Variants in UTRN observed in about 807,000 individuals in gnomAD.
The protein encoded by UTRN is dystrophin-related protein 1.
In UTRN, 283 loss-of-function variants were observed where a neutral mutation model predicts 463.9. That is an observed-to-expected ratio of 0.61 (90% CI 0.55 to 0.67). The LOEUF (loss-of-function observed/expected upper bound fraction) is 0.67, where lower values mean the gene tolerates loss of function less well. UTRN is among the 30% of genes least tolerant of loss of function. UTRN has a pLI of 0.00. For synonymous variants in UTRN, 1,442 were observed against 1,431.5 expected, an observed-to-expected ratio of 1.01 and a Z score of -0.17; for missense variants, 3,922 against 4,084.3, an observed-to-expected ratio of 0.96 and a Z score of 1.08.
In UTRN at chr6:144,612,693, G is replaced by T. The variant is rs547132063; in HGVS notation, c.7479+35405G>T. Among the ~76,000 whole-genome samples the T allele has an allele frequency of 8.5e-5, 13 of 152,126 alleles. No homozygotes were observed. In the Middle Eastern group the frequency reaches 0.017, roughly 199 times the overall value. On this transcript the variant is annotated intron_variant, in intron 51 of 74. Coordinates refer to ENST00000367545, the MANE Select transcript of UTRN (RefSeq NM_007124.3). ...TTAGAATGGCTGTTGTCAAAAACAT[G>T]AAAGATAACTGGTGTTGGAGAAGAT...
chr6:144,829,014 A>G (rs778208989), intron 69 of UTRN, among the ~76,000 whole-genome samples, 159 bp downstream of exon 69: 12 of 152,170 alleles, frequency 7.9e-5, no homozygotes, highest in South Asian at 6.2e-4. Flanking sequence ...CTTTCAAACC[A>G]TGATAGTATA....
At chr6:144,514,097 C>G in intron 36 of UTRN, 60 bp downstream of exon 36, 1 of 1,603,570 alleles carries the variant, frequency 6.2e-7, no homozygotes, top group South Asian at 1.1e-5. Flanking sequence ...GTCATGTTTT[C>G]TCTTCTGGAA....
chr6:144,563,521 G>T (rs1015320532), intron 50 of UTRN, among the ~76,000 whole-genome samples: 1 of 152,172 alleles, frequency 6.6e-6, no homozygotes, highest in Non-Finnish European at 1.5e-5. Context: ...ATTCCCGAAT[G>T]AATGGGCTTA....
intron 51 of UTRN, among the ~76,000 whole-genome samples, chr6:144,656,713 T>C (rs1394698256): frequency 6.6e-6 from 1 of 152,132 alleles, no homozygotes; most frequent in East Asian, 1.9e-4. Context: ...TTGAGTAATA[T>C]ATTAGATATT....
intron 2 of UTRN, chr6:144,344,090 C>CAAAAA (rs34356247): frequency 6.1e-5 from 52 of 849,906 alleles, no homozygotes; most frequent in African/African-American, 3.7e-4. Flanking sequence ...TAAAAGCCAC[C>CAAAAA]AAAAAAAAAA....
intron 65 of UTRN, among the ~76,000 whole-genome samples, chr6:144,810,296 G>T (rs1203362782): frequency 2.0e-5 from 3 of 152,128 alleles, no homozygotes; most frequent in African/African-American, 7.2e-5. Context: ...AGTGTGTCCT[G>T]AACCCTTGCC....
At chr6:144,290,860 G>C (rs1011909961) in intron 1 of UTRN, among the ~76,000 whole-genome samples, 1 of 146,534 alleles carries the variant, frequency 6.8e-6, no homozygotes, top group African/African-American at 2.6e-5. Context: ...CACCTCCCAG[G>C]TTCAAGCAAT....
chr6:144,754,898 A>G, intron 57 of UTRN, 100 bp downstream of exon 57: 28 of 1,128,928 alleles, frequency 2.5e-5, no homozygotes, highest in Non-Finnish European at 3.6e-5. Flanking sequence ...AAATATGTTT[A>G]TTTAGATAGA....
chr6:144,550,889 T>A, intron 47 of UTRN, 76 bp from the exon 48 acceptor site: 3 of 1,283,514 alleles, frequency 2.3e-6, no homozygotes, highest in Non-Finnish European at 3.1e-6. Flanking sequence ...AACTTTGATG[T>A]CAGCACAACT....
intron 45 of UTRN, among the ~76,000 whole-genome samples, chr6:144,541,296 A>G (rs1191265246): frequency 3.3e-5 from 5 of 152,126 alleles, no homozygotes; most frequent in Non-Finnish European, 7.4e-5. Flanking sequence ...CTTTCCAGAC[A>G]TGTTAGGTCC....
intron 50 of UTRN, among the ~76,000 whole-genome samples, chr6:144,572,039 G>C (rs1008966256): frequency 6.6e-6 from 1 of 152,062 alleles, no homozygotes; most frequent in Non-Finnish European, 1.5e-5. Context: ...GTTTGTTTTG[G>C]TTTGGTTTAT....
chr6:144,336,537 C>T (rs921138241), intron 2 of UTRN, among the ~76,000 whole-genome samples: 2 of 152,108 alleles, frequency 1.3e-5, no homozygotes, highest in Non-Finnish European at 2.9e-5. Context: ...CTTCTTCACA[C>T]CTTCCCATGA....
At chr6:144,756,966 G>A (rs1792061872) in intron 57 of UTRN, among the ~76,000 whole-genome samples, 1 of 151,904 alleles carries the variant, frequency 6.6e-6, no homozygotes, top group Non-Finnish European at 1.5e-5. Context: ...AAAATGCTTG[G>A]CAAAGTTTAG....
At chr6:144,758,793 A>G (rs1347072283) in intron 58 of UTRN, among the ~76,000 whole-genome samples, 2 of 152,060 alleles carry the variant, frequency 1.3e-5, no homozygotes, top group Non-Finnish European at 2.9e-5. Flanking sequence ...AGTTGACCCT[A>G]TTTTATGTGT....
chr6:144,498,119 T>C (rs185993906), intron 33 of UTRN, among the ~76,000 whole-genome samples: 207 of 152,354 alleles, frequency 1.4e-3, no homozygotes, highest in Middle Eastern at 3.4e-3. Context: ...GATGTCCACA[T>C]AAACATATTA....
At chr6:144,692,223 C>T (rs957216159) in intron 52 of UTRN, among the ~76,000 whole-genome samples, 4 of 152,156 alleles carry the variant, frequency 2.6e-5, no homozygotes, top group Admixed American at 6.5e-5. Context: ...AACATGGTCT[C>T]GTTCTTTTTC....
chr6:144,699,286 A>G (rs1784323662), intron 52 of UTRN, among the ~76,000 whole-genome samples: 1 of 151,916 alleles, frequency 6.6e-6, no homozygotes. Context: ...AAAAATACGA[A>G]AATTAACCGG....
At chr6:144,311,895 A>G (rs1412153614) in intron 2 of UTRN, 1 of 152,190 alleles carries the variant, frequency 6.6e-6, no homozygotes, top group Non-Finnish European at 1.5e-5. Flanking sequence ...ATTACACAAT[A>G]TTTGAAAAGA....
Position 144,459,158 on chromosome 6 carries a change from AT to A in UTRN, c.2527-12del. 1 of 1,605,244 alleles carries A rather than the reference AT, an allele frequency of 6.2e-7. No homozygotes were observed. Among genetic ancestry groups the A allele is most frequent in the Non-Finnish European group, 8.5e-7 (1 of 1,175,386 alleles). On this transcript the variant is annotated splice_polypyrimidine_tract_variant and intron_variant, in intron 20 of 74. Coordinates refer to ENST00000367545, the MANE Select transcript of UTRN (RefSeq NM_007124.3). ...CATCTTCAGTGAGTTGTGTGACCGT[AT>A]TTTCTCTTCCTTAGCGGGAATTGAC...
Sources: allele counts gnomAD v4.1 joint callset (sites outside exome capture counted in the v4.1 genomes callset), GRCh38; gene constraint gnomAD v4.1.1; transcripts MANE v1.5; gene names NCBI Gene and HGNC (gene_info 2026-07-23, HGNC 2026-07-21).